ETS1: variants seen among roughly 807,000 people sequenced by gnomAD.
The protein encoded by ETS1 is ETS proto-oncogene 1, transcription factor, also known as protein C-ets-1.
A neutral mutation model predicts 58.6 loss-of-function variants in ETS1; 15 were observed. The observed-to-expected ratio is 0.26, with a 90% CI of 0.17 to 0.39. ETS1 has a LOEUF of 0.39. Among genes scored for constraint, ETS1 ranks in the 10% least tolerant of loss-of-function variants. The pLI, the probability that ETS1 is intolerant of heterozygous loss-of-function variation, is 1.00. For synonymous variants in ETS1, 214 were observed against 218.2 expected (o/e 0.98, Z 0.17); for missense variants, 417 against 610.5 (o/e 0.68, Z 3.34).
rs1864184854 is a variant in ETS1, at chr11:128,549,073, C to G, written c.214+7218G>C. ...GCGGGCCGCCTCCTCCAGCTGCAGG[C>G]TCCGGGCTGAGACCCCTGGCTGCAG... On this transcript the variant is annotated intron_variant, in intron 3 of 9. Coordinates refer to ENST00000392668, the MANE Select transcript of ETS1 (RefSeq NM_001143820.2). This position sits in a 1 kb window ranked among gnomAD's most constrained non-coding sequence, Gnocchi z 4.3. Among the ~76,000 whole-genome samples the G allele has an allele frequency of 6.6e-6, 1 of 152,204 alleles. No homozygotes were observed. The highest frequency in any genetic ancestry group is 2.1e-4 in the South Asian group (1 of 4,834).
chr11:128,467,046 GA>G (rs1282213597), intron 8 of ETS1, among the ~76,000 whole-genome samples: 1 of 152,174 alleles, frequency 6.6e-6, no homozygotes. Flanking sequence ...GATGGCCGCT[GA>G]AGCGTCCCCT....
chr11:128,581,562 C>CA (rs1374423568), intron 1 of ETS1, among the ~76,000 whole-genome samples: 1 of 151,766 alleles, frequency 6.6e-6, no homozygotes, highest in African/African-American at 2.4e-5. Context: ...AACCTCAAAA[C>CA]AAAAAAAGAA....
intron 7 of ETS1, among the ~76,000 whole-genome samples, chr11:128,483,346 A>G (rs558915220): frequency 1.8e-4 from 28 of 152,318 alleles, no homozygotes; most frequent in African/African-American, 6.3e-4. Flanking sequence ...ACAATGTGAC[A>G]GGAGATCGAC....
chr11:128,529,363 G>C (rs1443310757), intron 3 of ETS1, among the ~76,000 whole-genome samples: 1 of 152,206 alleles, frequency 6.6e-6, no homozygotes, highest in African/African-American at 2.4e-5. Flanking sequence ...GATGGGCTGA[G>C]AGTGAAGATG....
chr11:128,583,401 T>C (rs1009757910), intron 1 of ETS1, among the ~76,000 whole-genome samples: 1 of 152,220 alleles, frequency 6.6e-6, no homozygotes, highest in African/African-American at 2.4e-5. Flanking sequence ...TAAGAAGACA[T>C]GGTTCTAGTT....
intron 3 of ETS1, among the ~76,000 whole-genome samples, chr11:128,555,307 T>C (rs1864295522): frequency 6.6e-6 from 1 of 152,238 alleles, no homozygotes; most frequent in Non-Finnish European, 1.5e-5. Context: ...TTCTCCACTG[T>C]TATTTAAGTA....
intron 3 of ETS1, among the ~76,000 whole-genome samples, chr11:128,510,085 G>A (rs992310494): frequency 7.2e-5 from 11 of 152,166 alleles, no homozygotes; most frequent in Non-Finnish European, 1.6e-4. Flanking sequence ...CAAGGGAGGT[G>A]TAAGATTGAA....
At chr11:128,554,355 C>T (rs1864280896) in intron 3 of ETS1, among the ~76,000 whole-genome samples, 1 of 152,082 alleles carries the variant, frequency 6.6e-6, no homozygotes, top group Non-Finnish European at 1.5e-5. Context: ...TTATTATATG[C>T]CCCAATCTTC....
rs144440925 is a variant in ETS1 at position 128,497,870 on chromosome 11, C to T, written c.215-7294G>A. ...GGAAACCCAGAGAGGCTCTTCCGTT[C>T]CAGGATCCCAGCCAGAAAGCAGAAC... is the stretch of plus-strand genomic sequence containing the variant. On this transcript the variant is annotated intron_variant, in intron 3 of 9. Transcript: ENST00000392668. 1.2e-3 allele frequency among the ~76,000 whole-genome samples: 189 copies of T among 152,328 alleles called. 1 individual carries two copies. The highest frequency in any genetic ancestry group is 4.1e-3 in the African/African-American group (170 of 41,568).
chr11:128,544,303 T>C (rs1476794586), intron 3 of ETS1, among the ~76,000 whole-genome samples: 4 of 145,062 alleles, frequency 2.8e-5, no homozygotes, highest in Non-Finnish European at 6.0e-5. Context: ...GAAAGGAATT[T>C]TGAAAGGGCA....
intron 8 of ETS1, among the ~76,000 whole-genome samples, chr11:128,472,300 A>C (rs952543288): frequency 3.9e-5 from 6 of 152,222 alleles, no homozygotes; most frequent in Non-Finnish European, 7.3e-5. Context: ...TCCTTGTTTC[A>C]GAGTTTAAAC....
intron 1 of ETS1, among the ~76,000 whole-genome samples, chr11:128,580,176 TAAAAA>T (rs140049360): frequency 2.9e-5 from 3 of 102,388 alleles, no homozygotes; most frequent in Admixed American, 1.0e-4. Context: ...GTTTGGACAT[TAAAAA>T]AAAAAAAAAA....
intron 2 of ETS1, among the ~76,000 whole-genome samples, chr11:128,570,067 A>G (rs1864593884): frequency 6.6e-6 from 1 of 152,102 alleles, no homozygotes; most frequent in East Asian, 1.9e-4. Context: ...TTATGCACTT[A>G]GAGTTATTTG....
At chr11:128,520,684 T>G (rs748370010) in intron 3 of ETS1, among the ~76,000 whole-genome samples, 3 of 152,174 alleles carry the variant, frequency 2.0e-5, no homozygotes, top group Non-Finnish European at 4.4e-5. Context: ...CAGCCTTCTG[T>G]GCACAGCAGC....
intron 1 of ETS1, among the ~76,000 whole-genome samples, chr11:128,585,163 AGAAAGAGAAAGAAAGAAAGAAAGAAG>A (rs1864988836): frequency 5.8e-5 from 3 of 52,022 alleles, no homozygotes; most frequent in Admixed American, 1.9e-4. Flanking sequence ...AAAGAAAGAA[AGAAAGAGAAAGAAAGAAAGAAAGAAG>A]GAAGGAAAGA....
intron 3 of ETS1, among the ~76,000 whole-genome samples, chr11:128,509,550 A>AT (rs59753000): frequency 6.1e-4 from 58 of 95,106 alleles, no homozygotes; most frequent in Admixed American, 1.1e-3. Flanking sequence ...TCAGGTGAAA[A>AT]TTTTTTTTTT....
intron 3 of ETS1, among the ~76,000 whole-genome samples, chr11:128,535,620 C>A (rs191343600): frequency 2.6e-5 from 4 of 152,138 alleles, no homozygotes; most frequent in Admixed American, 2.6e-4. Flanking sequence ...TTAAAAACAA[C>A]CAAAGTCAAT....
chr11:128,476,572 G>A (rs1413864397), intron 8 of ETS1, among the ~76,000 whole-genome samples: 1 of 152,238 alleles, frequency 6.6e-6, no homozygotes, highest in Admixed American at 6.5e-5. Flanking sequence ...GAGGAAGAGA[G>A]ACTACTATGT....
At chr11:128,558,549 G>A (rs1864351501) in intron 2 of ETS1, among the ~76,000 whole-genome samples, 1 of 151,758 alleles carries the variant, frequency 6.6e-6, no homozygotes, top group South Asian at 2.1e-4. Context: ...GGAGACTGAG[G>A]CAGGAGAATC....
Sources: allele counts gnomAD v4.1 joint callset (sites outside exome capture counted in the v4.1 genomes callset), GRCh38; gene constraint gnomAD v4.1.1; non-coding constraint Gnocchi (gnomAD v3.1); transcripts MANE v1.5; gene names NCBI Gene and HGNC (gene_info 2026-07-23, HGNC 2026-07-21).